ANO5: variants seen among roughly 807,000 people sequenced by gnomAD.
The protein encoded by ANO5 is anoctamin-5.
Under a neutral mutation model 121.0 loss-of-function variants are expected in ANO5, and 109 were observed. The observed-to-expected ratio is 0.90, with a 90% CI of 0.77 to 1.06. ANO5 has a LOEUF of 1.06. Ranked by LOEUF, ANO5 falls within the 50% of genes least tolerant of loss-of-function variation. The probability of loss-of-function intolerance (pLI) is 0.00; values close to 1 mark genes in which losing one functional copy is unlikely to be tolerated. For synonymous variants in ANO5, 406 were observed against 359.9 expected, an observed-to-expected ratio of 1.13 and a Z score of -1.45; for missense variants, 1,064 against 1,078.5, an observed-to-expected ratio of 0.99 and a Z score of 0.19.
At chr11:22,263,640 G>T (rs760832724) in intron 17 of ANO5, among the ~76,000 whole-genome samples, 1 of 152,130 alleles carries the variant, frequency 6.6e-6, no homozygotes, top group Non-Finnish European at 1.5e-5. Flanking sequence ...GATGAAAATT[G>T]TCATGGATAA....
chr11:22,265,509 G>A (rs1310193613), intron 17 of ANO5, among the ~76,000 whole-genome samples: 2 of 152,076 alleles, frequency 1.3e-5, no homozygotes, highest in Non-Finnish European at 2.9e-5. Context: ...AGAAACATTG[G>A]TTAGCACAGA....
At position 22,282,705 on chromosome 11, in the gene ANO5, T is replaced by C. The variant is rs1189416467; in HGVS notation, c.*2940T>C. ...GAAAATTTCAATGTGACCACTATTATGTGTCAAAATAAAACTTAGATTCCA... is the reference window on the plus strand; with the variant it reads ...GAAAATTTCAATGTGACCACTATTACGTGTCAAAATAAAACTTAGATTCCA... On this transcript the variant is annotated 3_prime_UTR_variant, in exon 22 of 22. Coordinates refer to ENST00000324559, the MANE Select transcript of ANO5 (RefSeq NM_213599.3). 1 of 152,160 alleles carries C rather than the reference T, an allele frequency of 6.6e-6. No individual in the cohort carries two copies. The highest frequency in any genetic ancestry group is 1.5e-5 in the Non-Finnish European group (1 of 68,002). 9.4% of individuals were successfully genotyped at this position (152,160 alleles called of 1,614,324 possible).
intron 2 of ANO5, among the ~76,000 whole-genome samples, chr11:22,206,234 G>A (rs1052620465): frequency 6.6e-6 from 1 of 151,996 alleles, no homozygotes; most frequent in African/African-American, 2.4e-5. Flanking sequence ...TAAAATATTA[G>A]CAAATAAAAT....
intron 12 of ANO5, among the ~76,000 whole-genome samples, chr11:22,254,968 A>G (rs892617385): frequency 6.6e-6 from 1 of 152,114 alleles, no homozygotes; most frequent in Non-Finnish European, 1.5e-5. Context: ...CTTCCTAGGT[A>G]TATTTCCCCA....
At chr11:22,213,973 G>A (rs1323457709) in intron 3 of ANO5, among the ~76,000 whole-genome samples, 6 of 151,898 alleles carry the variant, frequency 4.0e-5, no homozygotes. Flanking sequence ...CATGATCATA[G>A]TTCACTGCAG....
In ANO5 at chr11:22,258,461, T is replaced by G. The variant is rs74989151; in HGVS notation, c.1407+707T>G. Among the ~76,000 whole-genome samples the G allele has an allele frequency of 0.013, 2,035 of 152,308 alleles. 142 individuals are homozygous for G. In the East Asian group the frequency reaches 0.21, roughly 15 times the overall value. On this transcript the variant is annotated intron_variant, in intron 14 of 21. Transcript: ENST00000324559. The stretch of plus-strand genomic sequence containing the variant: ...GGAGTATATCCCCAGAAAATTATTC[T>G]GTTTTTGATTTCTAGTTTTCATTTA...
rs143564801 is a variant in ANO5, at chr11:22,235,958, A to G, written c.649-205A>G. ...TTCACCCCTGCACCCCATCAAATGA[A>G]TGCTCTCAGACTCAGAAGCTAAAAT... On this transcript the variant is annotated intron_variant, in intron 7 of 21. Coordinates refer to ENST00000324559, the MANE Select transcript of ANO5 (RefSeq NM_213599.3). Among the ~76,000 whole-genome samples, 168 of 152,240 alleles carry G rather than the reference A, an allele frequency of 1.1e-3. 1 individual carries two copies. In the East Asian group the frequency reaches 0.027, roughly 25 times the overall value.
chr11:22,205,436 A>G (rs1300536690), intron 2 of ANO5, among the ~76,000 whole-genome samples: 1 of 152,066 alleles, frequency 6.6e-6, no homozygotes, highest in Non-Finnish European at 1.5e-5. Context: ...ATCATATAGG[A>G]CAGTGATTTT....
chr11:22,232,640 AACT>A (rs1853079195), intron 7 of ANO5, among the ~76,000 whole-genome samples: 1 of 151,964 alleles, frequency 6.6e-6, no homozygotes, highest in Admixed American at 6.6e-5. Context: ...TTACATTGAC[AACT>A]ACTATCTACC....
rs982258846 is a variant in ANO5 at position 22,259,367 on chromosome 11, T to A, written c.1408-152T>A. The A allele has an allele frequency of 6.4e-6, 5 of 781,688 alleles. No homozygotes were observed. The Admixed American group carries it at 1.0e-4, about 16-fold the overall frequency. 48.4% of individuals were successfully genotyped at this position (781,688 alleles called of 1,614,324 possible). On this transcript the variant is annotated intron_variant, in intron 14 of 21. Transcript: ENST00000324559. ...CCTTGCCAGTGTTCATGTCTTGCCA[T>A]CTAGGGAAAGAGAGACTGACTTAGT...
intron 2 of ANO5, 100 bp from the exon 3 acceptor site, chr11:22,211,164 T>C (rs1852263519): frequency 7.9e-7 from 1 of 1,270,076 alleles, no homozygotes; most frequent in East Asian, 2.3e-5. Flanking sequence ...ATTAAGTGTT[T>C]CTGCATAGAG....
rs1006136090 is a variant in ANO5 at position 22,212,162 on chromosome 11, G to A, written c.138+848G>A. The stretch of plus-strand genomic sequence containing the variant: ...AACATTTACGAAAATATTTTACCAC[G>A]AGAACACATTGCTGGAGTCCTTCCT... On this transcript the variant is annotated intron_variant, in intron 3 of 21. Transcript: ENST00000324559. 5.3e-5 allele frequency among the ~76,000 whole-genome samples: 8 copies of A among 151,622 alleles called. 1 individual carries two copies. Among genetic ancestry groups the A allele is most frequent in the Admixed American group, 2.0e-4 (3 of 15,152 alleles).
chr11:22,209,531 T>C (rs1188414811), intron 2 of ANO5, among the ~76,000 whole-genome samples: 2 of 151,904 alleles, frequency 1.3e-5, no homozygotes, highest in African/African-American at 2.4e-5. Flanking sequence ...TTATGTCTCC[T>C]ATGTTTTGGA....
chr11:22,221,998 C>T (rs1409719558), intron 5 of ANO5, among the ~76,000 whole-genome samples: 1 of 151,976 alleles, frequency 6.6e-6, no homozygotes, highest in Non-Finnish European at 1.5e-5. Context: ...AATTCATGAC[C>T]CATCATCATT....
Position 22,236,287 on chromosome 11 carries a change from G to T in ANO5, c.762+11G>T. 3 of 1,586,836 alleles carry T rather than the reference G, an allele frequency of 1.9e-6. No individual in the cohort carries two copies. The highest frequency in any genetic ancestry group is 2.6e-6 in the Non-Finnish European group (3 of 1,155,780). Reference sequence around the variant, plus strand: ...TATCCACTCCATGATGTATGTATAGGTTTGATTGTGAAAATCTGAGCTTAT... The same window carrying T: ...TATCCACTCCATGATGTATGTATAGTTTTGATTGTGAAAATCTGAGCTTAT... On this transcript the variant is annotated intron_variant, in intron 8 of 21. Coordinates refer to ENST00000324559, the MANE Select transcript of ANO5 (RefSeq NM_213599.3).
At chr11:22,216,507 G>A (rs1852449267) in intron 3 of ANO5, among the ~76,000 whole-genome samples, 1 of 151,614 alleles carries the variant, frequency 6.6e-6, no homozygotes, top group Admixed American at 6.6e-5. Flanking sequence ...TTTATGAACT[G>A]TTCAAATCTT....
At position 22,227,701 on chromosome 11, in the gene ANO5, A is replaced by G. The variant is rs1019127947; in HGVS notation, c.648+115A>G. 2.3e-6 allele frequency: 3 copies of G among 1,325,474 alleles called. No homozygotes were observed. The African/African-American group carries it at 4.4e-5, about 19-fold the overall frequency. 82.1% of individuals were successfully genotyped at this position (1,325,474 alleles called of 1,614,324 possible). A position where few individuals can be genotyped will look rare whatever the true frequency, so the allele number is the denominator to read the frequency against. On this transcript the variant is annotated intron_variant, in intron 7 of 21. Coordinates refer to ENST00000324559, the MANE Select transcript of ANO5 (RefSeq NM_213599.3). ...TCTGCAAGGTGCTTCTGTATAGGAT[A>G]TAAGCATTTGGTGATATTGGGGAGT...
Position 22,275,309 on chromosome 11 carries a change from GAC to G in ANO5, c.2414+583_2414+584del, listed in dbSNP as rs56171321. ...GGATCTTTTCACCATACAATTTAAA[GAC>G]ACACACACACACACACACACGCTTA... is the stretch of plus-strand genomic sequence containing the variant. On this transcript the variant is annotated intron_variant, in intron 20 of 21. Transcript: ENST00000324559. Among the ~76,000 whole-genome samples the G allele has an allele frequency of 2.5e-3, 375 of 148,340 alleles. 13 individuals carry two copies. In the South Asian group the frequency reaches 0.068, roughly 27 times the overall value.
intron 8 of ANO5, among the ~76,000 whole-genome samples, chr11:22,237,046 A>G (rs1853246560): frequency 6.6e-6 from 1 of 152,106 alleles, no homozygotes; most frequent in African/African-American, 2.4e-5. Context: ...CAGTGTTTAA[A>G]TTTCACCACC....
Sources: gnomAD v4.1 joint callset for allele counts (sites outside exome capture counted in the v4.1 genomes callset) on GRCh38, gnomAD v4.1.1 for gene constraint, MANE v1.5 for transcripts, NCBI Gene and HGNC (gene_info 2026-07-23, HGNC 2026-07-21) for gene names.